The following ARHGEF4 variants were observed in gnomAD, a reference collection of about 807,000 sequenced individuals.
The protein encoded by ARHGEF4 is Rho guanine nucleotide exchange factor 4, also known as APC-stimulated guanine nucleotide exchange factor 1.
A neutral mutation model predicts 162.0 loss-of-function variants in ARHGEF4; 119 were observed. That is an observed-to-expected ratio of 0.73 (90% CI 0.63 to 0.86). The LOEUF is 0.86. Ranked by LOEUF, ARHGEF4 falls within the 40% of genes least tolerant of loss-of-function variation. The pLI is 0.00. For synonymous variants in ARHGEF4, 1,014 were observed against 979.9 expected (o/e 1.03, Z -0.65); for missense variants, 2,488 against 2,456.0 (o/e 1.01, Z -0.28).
chr2:131,016,924 G>A (rs771343198), intron 4 of ARHGEF4, among the ~76,000 whole-genome samples: 16 of 152,222 alleles, frequency 1.1e-4, no homozygotes, highest in Non-Finnish European at 1.9e-4. Flanking sequence ...GTAAGGGGAA[G>A]CAGAAAATTG....
intron 4 of ARHGEF4, among the ~76,000 whole-genome samples, chr2:130,988,893 T>TAG (rs1304546250): frequency 1.2e-3 from 133 of 113,226 alleles, no homozygotes; most frequent in African/African-American, 1.8e-3. Context: ...TATATATATA[T>TAG]ATATATATAG....
Position 130,917,051 on chromosome 2 carries a change from C to T in ARHGEF4, c.3105C>T (p.Thr1035=). ...KSEPTIKCTA[T]QEGGRYLPSG... is the part of the protein sequence containing the mutation. ...AACCGACCATCAAGTGCACAGCCACCCAGGAAGGCGGTAGGTACCTACCTT... is the reference window on the plus strand; with the variant it reads ...AACCGACCATCAAGTGCACAGCCACTCAGGAAGGCGGTAGGTACCTACCTT... Residue 1035 remains threonine (T), a synonymous_variant, in exon 2 of 14, where the codon ACC becomes ACT. Coordinates refer to ENST00000409359, the MANE Select transcript of ARHGEF4 (RefSeq NM_001367493.1). 6.4e-7 allele frequency: 1 copy of T among 1,550,846 alleles called. No homozygotes were observed. The highest frequency in any genetic ancestry group is 8.7e-7 in the Non-Finnish European group (1 of 1,147,056).
At chr2:130,968,102 A>G (rs1225822087) in intron 4 of ARHGEF4, among the ~76,000 whole-genome samples, 1 of 151,590 alleles carries the variant, frequency 6.6e-6, no homozygotes, top group Non-Finnish European at 1.5e-5. Flanking sequence ...TCAAGCCCCC[A>G]CCCCCCAACC....
At chr2:130,968,788 C>G (rs1055011663) in intron 4 of ARHGEF4, among the ~76,000 whole-genome samples, 1 of 152,122 alleles carries the variant, frequency 6.6e-6, no homozygotes, top group South Asian at 2.1e-4. Context: ...TGTGGTGGCA[C>G]GCGCCTGTAG....
intron 1 of ARHGEF4, among the ~76,000 whole-genome samples, chr2:130,838,386 G>A (rs1574071375): frequency 6.6e-6 from 1 of 152,046 alleles, no homozygotes; most frequent in Non-Finnish European, 1.5e-5. Context: ...GGGGCGGATC[G>A]CCTGAGGTCA....
intron 1 of ARHGEF4, among the ~76,000 whole-genome samples, chr2:130,911,630 T>G (rs748583683): frequency 6.6e-6 from 1 of 152,188 alleles, no homozygotes; most frequent in Non-Finnish European, 1.5e-5. Flanking sequence ...GCTCTTCCAG[T>G]GCAGCTGCGC....
At chr2:130,853,366 G>A (rs569253323) in intron 1 of ARHGEF4, among the ~76,000 whole-genome samples, 18 of 152,236 alleles carry the variant, frequency 1.2e-4, no homozygotes, top group Middle Eastern at 6.8e-3. Flanking sequence ...ACATCCTGCC[G>A]GCTTCACAGA....
chr2:130,920,090 T>C (rs968065401), intron 2 of ARHGEF4, among the ~76,000 whole-genome samples: 3 of 151,912 alleles, frequency 2.0e-5, no homozygotes, highest in Admixed American at 6.6e-5. Flanking sequence ...TTTTTTTGTG[T>C]GTGTGTCTTT....
Position 130,916,516 on chromosome 2 carries a change from C to T in ARHGEF4, c.2570C>T (p.Pro857Leu). ...PLHHGDASAW[P>L]EFVPQAAGDR... is the part of the protein sequence containing the mutation. ...CACCACGGGGACGCCAGCGCCTGGC[C>T]CGAGTTTGTCCCGCAGGCTGCAGGC... The change falls in exon 2 of 14, where the codon CCC becomes CTC. Residue 857 changes from proline to leucine, a missense_variant. By Grantham distance (98) the Pro-to-Leu change is moderately conservative. Around this residue, in one of 6 missense-constraint regions of ARHGEF4, gnomAD observed 1,642 missense variants for 1,481.5 expected, o/e 1.11. Coordinates refer to ENST00000409359, the MANE Select transcript of ARHGEF4 (RefSeq NM_001367493.1). 6.5e-7 allele frequency: 1 copy of T among 1,549,146 alleles called. No individual in the cohort carries two copies.
At chr2:130,895,801 T>A (rs1377451364) in intron 1 of ARHGEF4, among the ~76,000 whole-genome samples, 2 of 152,218 alleles carry the variant, frequency 1.3e-5, no homozygotes, top group African/African-American at 4.8e-5. Context: ...GCTTTTTCCT[T>A]AACAGTGTTT....
intron 13 of ARHGEF4, chr2:131,045,740 G>A (rs1362658207): frequency 2.1e-6 from 3 of 1,432,924 alleles, no homozygotes; most frequent in East Asian, 2.5e-5. Context: ...GGTTGGTGTA[G>A]GGATGGAGCT....
chr2:130,976,591 A>G (rs1036476189), intron 4 of ARHGEF4, among the ~76,000 whole-genome samples: 5 of 152,208 alleles, frequency 3.3e-5, no homozygotes, highest in African/African-American at 1.2e-4. Flanking sequence ...AGACAGGGAA[A>G]TAGGAAGGCA....
intron 1 of ARHGEF4, among the ~76,000 whole-genome samples, chr2:130,843,810 C>T (rs1361537348): frequency 5.3e-5 from 8 of 152,220 alleles, no homozygotes; most frequent in African/African-American, 1.9e-4. Context: ...TCGGGAAATG[C>T]GCTGAGTCTG....
chr2:130,996,467 G>T (rs1687400867), intron 4 of ARHGEF4, among the ~76,000 whole-genome samples: 1 of 152,202 alleles, frequency 6.6e-6, no homozygotes, highest in Non-Finnish European at 1.5e-5. Flanking sequence ...TAAGACCTCT[G>T]TTGCTGTGTA....
At chr2:130,910,438 T>G (rs1005188619) in intron 1 of ARHGEF4, among the ~76,000 whole-genome samples, 10 of 152,140 alleles carry the variant, frequency 6.6e-5, no homozygotes, top group African/African-American at 2.4e-4. Context: ...TTACCACTGG[T>G]AATAAAGGAG....
intron 1 of ARHGEF4, among the ~76,000 whole-genome samples, chr2:130,837,211 G>A (rs1680254993): frequency 1.3e-5 from 2 of 152,128 alleles, no homozygotes; most frequent in South Asian, 4.1e-4. Flanking sequence ...GAAGGACGGG[G>A]CTCCGTTGGG....
intron 4 of ARHGEF4, among the ~76,000 whole-genome samples, chr2:131,021,435 A>G (rs1277945354): frequency 6.6e-6 from 1 of 152,186 alleles, no homozygotes; most frequent in African/African-American, 2.4e-5. Context: ...ATATGTAGAA[A>G]GCTGAAACTG....
chr2:130,981,881 TA>T (rs1686142689), intron 4 of ARHGEF4, among the ~76,000 whole-genome samples: 1 of 152,174 alleles, frequency 6.6e-6, no homozygotes, highest in African/African-American at 2.4e-5. Flanking sequence ...ACATGGCCAG[TA>T]AGTACTCTAG....
intron 4 of ARHGEF4, among the ~76,000 whole-genome samples, chr2:130,990,319 T>TA (rs1181488799): frequency 2.0e-5 from 3 of 151,948 alleles, no homozygotes; most frequent in African/African-American, 4.8e-5. Context: ...TGGGCATTGG[T>TA]AAAAAAGAAA....
Sources: allele counts gnomAD v4.1 joint callset (sites outside exome capture counted in the v4.1 genomes callset), GRCh38; gene constraint gnomAD v4.1.1; regional missense constraint gnomAD v4.1.1; transcripts MANE v1.5; gene names NCBI Gene and HGNC (gene_info 2026-07-23, HGNC 2026-07-21).